NMT2: variants seen among roughly 807,000 people sequenced by gnomAD.
The protein encoded by NMT2 is N-myristoyltransferase 2.
NMT2 carries 35 observed loss-of-function variants against 65.4 expected under a neutral mutation model. The ratio of observed to expected loss-of-function variants is 0.54; its 90% confidence interval spans 0.41 to 0.71. The LOEUF (loss-of-function observed/expected upper bound fraction) is 0.71. Ranked by LOEUF, NMT2 falls within the 30% of genes least tolerant of loss-of-function variation. The pLI, the probability that NMT2 is intolerant of heterozygous loss-of-function variation, is 0.00. For synonymous variants in NMT2, 226 were observed against 231.8 expected, an observed-to-expected ratio of 0.98 and a Z score of 0.23; for missense variants, 489 against 611.3, an observed-to-expected ratio of 0.80 and a Z score of 2.11.
At position 15,126,717 on chromosome 10, in the gene NMT2, C is replaced by T. The variant is rs373478643; in HGVS notation, c.999+1633G>A. ...TCAAGTTTCAGATGAGACCTCAGCC[C>T]TGGCTGACACCTGGGTGGCAACTTC... On this transcript the variant is annotated intron_variant, in intron 8 of 11. Coordinates refer to ENST00000378165, the MANE Select transcript of NMT2 (RefSeq NM_004808.3). Among the ~76,000 whole-genome samples the T allele has an allele frequency of 2.6e-5, 4 of 152,240 alleles. No homozygotes were observed. The East Asian group carries it at 7.7e-4, about 29-fold the overall frequency.
At chr10:15,120,193 C>T (rs551822918) in intron 8 of NMT2, among the ~76,000 whole-genome samples, 4 of 152,322 alleles carry the variant, frequency 2.6e-5, no homozygotes, top group African/African-American at 4.8e-5. Context: ...CATGGTGGCT[C>T]ATGCCTGTAA....
At chr10:15,109,942 C>G in intron 10 of NMT2, 103 bp from the exon 11 acceptor site, 4 of 948,996 alleles carry the variant, frequency 4.2e-6, no homozygotes, top group Non-Finnish European at 6.3e-6. Flanking sequence ...ATATGCATTT[C>G]TAATAGGATT....
rs545915762 is a variant in NMT2, at chr10:15,110,525, G to C, written c.1339-686C>G. Among the ~76,000 whole-genome samples the C allele has an allele frequency of 5.3e-5, 8 of 152,270 alleles. No homozygotes were observed. The South Asian group carries it at 1.7e-3, about 32-fold the overall frequency. ...ATGGTGGTGTGTGCCTGTGGACCCAGCTACACAGGAGGCTGAGGCAGGATT... is the reference window on the plus strand; with the variant it reads ...ATGGTGGTGTGTGCCTGTGGACCCACCTACACAGGAGGCTGAGGCAGGATT... On this transcript the variant is annotated intron_variant, in intron 10 of 11. Coordinates refer to ENST00000378165, the MANE Select transcript of NMT2 (RefSeq NM_004808.3).
rs868730371 is a variant in NMT2 at position 15,122,464 on chromosome 10, C to T, written c.1000-2951G>A. Among the ~76,000 whole-genome samples the T allele has an allele frequency of 5.3e-5, 8 of 151,990 alleles. No individual in the cohort carries two copies. In the South Asian group the frequency reaches 1.7e-3, roughly 32 times the overall value. ...ATGGAGTCTTACTCTGTCGCCCAGG[C>T]TGGAGTGCAGTGGTGTGATCTCAGC... On this transcript the variant is annotated intron_variant, in intron 8 of 11. Transcript: ENST00000378165.
At chr10:15,114,498 A>G (rs1458362271) in intron 9 of NMT2, among the ~76,000 whole-genome samples, 3 of 152,194 alleles carry the variant, frequency 2.0e-5, no homozygotes, top group Non-Finnish European at 4.4e-5. Flanking sequence ...AAAACCCACC[A>G]TGGCACCATG....
chr10:15,119,878 T>G (rs1205411177), intron 8 of NMT2, among the ~76,000 whole-genome samples: 1 of 152,098 alleles, frequency 6.6e-6, no homozygotes, highest in Non-Finnish European at 1.5e-5. Flanking sequence ...AACACACCAA[T>G]GTATATACCA....
At chr10:15,146,635 G>A (rs76271744) in intron 1 of NMT2, among the ~76,000 whole-genome samples, 56 of 152,270 alleles carry the variant, frequency 3.7e-4, no homozygotes, top group Non-Finnish European at 7.1e-4. Context: ...GCGCAGTCTC[G>A]ACCCTGGATG....
chr10:15,155,315 G>C, intron 1 of NMT2: 1 of 1,238,854 alleles, frequency 8.1e-7, no homozygotes, highest in Middle Eastern at 1.9e-4. Flanking sequence ...TGGTGGGGTT[G>C]ACCATGGCTG....
intron 2 of NMT2, 22 bp from the exon 3 acceptor site, chr10:15,135,440 C>T (rs772522052): frequency 5.5e-5 from 88 of 1,612,942 alleles, no homozygotes; most frequent in Non-Finnish European, 6.7e-5. Context: ...AAGACAGACA[C>T]AGAATATGAG....
At chr10:15,119,278 CT>C in intron 9 of NMT2, 64 bp downstream of exon 9, 1 of 1,429,228 alleles carries the variant, frequency 7.0e-7, no homozygotes, top group East Asian at 2.3e-5. Flanking sequence ...GTAAATAATT[CT>C]GCTGCACGCT....
At chr10:15,110,857 G>A (rs751546190) in intron 10 of NMT2, among the ~76,000 whole-genome samples, 2 of 152,110 alleles carry the variant, frequency 1.3e-5, no homozygotes, top group African/African-American at 4.8e-5. Context: ...GTGGCATGAT[G>A]TCGGCTCACT....
At chr10:15,112,152 A>G (rs1475489217) in intron 10 of NMT2, among the ~76,000 whole-genome samples, 6 of 116,032 alleles carry the variant, frequency 5.2e-5, no homozygotes, top group African/African-American at 1.9e-4. Context: ...TTTTCCTTAT[A>G]TTACTTCCTA....
At chr10:15,128,834 A>C (rs1027084843) in intron 7 of NMT2, among the ~76,000 whole-genome samples, 7 of 152,092 alleles carry the variant, frequency 4.6e-5, no homozygotes, top group Non-Finnish European at 8.8e-5. Context: ...GTGAAACCCC[A>C]TCTCTACTAA....
chr10:15,126,325 A>G (rs184642177), intron 8 of NMT2, among the ~76,000 whole-genome samples: 1,878 of 151,540 alleles, frequency 0.012, 22 homozygotes, highest in Non-Finnish European at 0.018. Context: ...GCTACTTGGG[A>G]GGCTGAGGCA....
chr10:15,111,747 A>G (rs942463368), intron 10 of NMT2: 3 of 151,942 alleles, frequency 2.0e-5, no homozygotes, highest in Non-Finnish European at 4.4e-5. Flanking sequence ...AAAAGCAGAC[A>G]ATCTGAGGAT....
rs893954605 is a variant in NMT2, at chr10:15,107,118, A to G, written c.*2077T>C. ...AGTGAGACCCTGTCCTAAAAAAAAA[A>G]AAAAAAAAAGTATGGCTATGTTCCA... is the stretch of plus-strand genomic sequence containing the variant. On this transcript the variant is annotated 3_prime_UTR_variant, in exon 12 of 12. Coordinates refer to ENST00000378165, the MANE Select transcript of NMT2 (RefSeq NM_004808.3). Among the ~76,000 whole-genome samples, 1 of 152,138 alleles carries G rather than the reference A, an allele frequency of 6.6e-6. No homozygotes were observed. Among genetic ancestry groups the G allele is most frequent in the Non-Finnish European group, 1.5e-5 (1 of 68,010 alleles).
intron 6 of NMT2, 68 bp downstream of exon 6, chr10:15,132,749 G>T (rs1846327432): frequency 6.7e-6 from 8 of 1,189,478 alleles, no homozygotes; most frequent in Non-Finnish European, 8.5e-6. Flanking sequence ...ACTTTTAAAG[G>T]CCTAATCTAA....
intron 10 of NMT2, among the ~76,000 whole-genome samples, chr10:15,112,189 T>C (rs1234841028): frequency 1.8e-4 from 2 of 10,822 alleles, no homozygotes; most frequent in Non-Finnish European, 3.5e-4. Context: ...TATATATATA[T>C]ATATATATAT....
rs1327713969 is a variant in NMT2 at position 15,168,668 on chromosome 10, C to T, written c.-56G>A. The T allele has an allele frequency of 7.2e-7, 1 of 1,385,234 alleles. No homozygotes were observed. Among genetic ancestry groups the T allele is most frequent in the African/African-American group, 1.5e-5 (1 of 67,376 alleles). 85.8% of individuals were successfully genotyped at this position (1,385,234 alleles called of 1,614,324 possible). On this transcript the variant is annotated 5_prime_UTR_variant, in exon 1 of 12. Coordinates refer to ENST00000378165, the MANE Select transcript of NMT2 (RefSeq NM_004808.3). ...CGGGGCCGGGCCGGAGCGGCCGCAG[C>T]TCCCTCTAGTGCCTCCCGCCGTACT...
Sources: allele counts gnomAD v4.1 joint callset (sites outside exome capture counted in the v4.1 genomes callset), GRCh38; gene constraint gnomAD v4.1.1; transcripts MANE v1.5; gene names NCBI Gene and HGNC (gene_info 2026-07-23, HGNC 2026-07-21).